Variants in FGGY observed in about 807,000 individuals in gnomAD.
FGGY encodes FGGY carbohydrate kinase domain-containing protein.
In FGGY, 72 loss-of-function variants were observed where a neutral mutation model predicts 71.3. The observed-to-expected ratio is 1.01, with a 90% CI of 0.84 to 1.23. The LOEUF is 1.23. Among genes scored for constraint, FGGY ranks in the 50% most tolerant of loss-of-function variants. FGGY has a pLI of 0.00. For missense variants in FGGY, 668 were observed against 682.3 expected (o/e 0.98, Z 0.23); for synonymous variants, 251 against 250.3 (o/e 1.00, Z -0.02).
intron 11 of FGGY, among the ~76,000 whole-genome samples, chr1:59,653,598 G>A (rs950224732): frequency 1.3e-5 from 2 of 152,316 alleles, no homozygotes; most frequent in African/African-American, 2.4e-5. Context: ...GCAATGCCTC[G>A]CCCTGCTTCG....
intron 9 of FGGY, among the ~76,000 whole-genome samples, chr1:59,624,659 A>C (rs566852145): frequency 1.3e-5 from 2 of 152,168 alleles, no homozygotes; most frequent in Non-Finnish European, 2.9e-5. Context: ...AGGCATGTCT[A>C]ACATGGCGGC....
chr1:59,544,087 C>T (rs1394984569), intron 7 of FGGY, among the ~76,000 whole-genome samples: 3 of 140,150 alleles, frequency 2.1e-5, no homozygotes, highest in African/African-American at 7.9e-5. Flanking sequence ...AGAGTGTAGA[C>T]GAGGAGAGTT....
intron 8 of FGGY, among the ~76,000 whole-genome samples, chr1:59,590,026 T>C (rs980511889): frequency 8.0e-4 from 121 of 151,820 alleles, no homozygotes; most frequent in African/African-American, 2.9e-3. Flanking sequence ...ATCAACAAAA[T>C]TGATAGATCG....
rs2066369558 is a variant in FGGY at position 59,426,365 on chromosome 1, G to A, written c.555-30596G>A. ...AAGGCTTGTCATTAGGGTATCCAGG[G>A]TGGGAAGGGGAGTGAAGGGAGGGGA... On this transcript the variant is annotated intron_variant, in intron 5 of 15. Transcript: ENST00000303721. 2.0e-5 allele frequency among the ~76,000 whole-genome samples: 3 copies of A among 152,260 alleles called. No individual in the cohort carries two copies. In the South Asian group the frequency reaches 6.2e-4, roughly 32 times the overall value.
At chr1:59,539,211 G>A (rs2095400119) in intron 7 of FGGY, among the ~76,000 whole-genome samples, 1 of 152,140 alleles carries the variant, frequency 6.6e-6, no homozygotes, top group Non-Finnish European at 1.5e-5. Context: ...TTGTTCTATA[G>A]ATTCAGTGTA....
chr1:59,502,033 T>G (rs542609217), intron 6 of FGGY, among the ~76,000 whole-genome samples: 8 of 152,362 alleles, frequency 5.3e-5, no homozygotes, highest in African/African-American at 1.2e-4. Context: ...TGCATTATCT[T>G]GCTTGATTCT....
chr1:59,482,634 G>GTGTATATATATATATATATATATA (rs144699610), intron 6 of FGGY, among the ~76,000 whole-genome samples: 1 of 147,462 alleles, frequency 6.8e-6, no homozygotes, highest in African/African-American at 2.5e-5. Flanking sequence ...GTGTCTGTGT[G>GTGTATATATATATATATATATATA]TATATATATA....
chr1:59,623,213 A>G (rs1572233059), intron 9 of FGGY, among the ~76,000 whole-genome samples: 1 of 152,134 alleles, frequency 6.6e-6, no homozygotes, highest in African/African-American at 2.4e-5. Context: ...TGTCCTTTAT[A>G]CATTACCAAA....
intron 7 of FGGY, among the ~76,000 whole-genome samples, chr1:59,514,603 A>T (rs1395548511): frequency 6.6e-6 from 1 of 152,172 alleles, no homozygotes; most frequent in Non-Finnish European, 1.5e-5. Context: ...TATCTCCCAG[A>T]ATTCCCACAT....
intron 14 of FGGY, among the ~76,000 whole-genome samples, chr1:59,679,119 G>A (rs1297796896): frequency 6.6e-6 from 1 of 152,198 alleles, no homozygotes; most frequent in African/African-American, 2.4e-5. Context: ...GACCGCAGTG[G>A]TCTACCCTTG....
chr1:59,461,114 A>G (rs1333633376), intron 6 of FGGY, among the ~76,000 whole-genome samples: 1 of 152,178 alleles, frequency 6.6e-6, no homozygotes, highest in South Asian at 2.1e-4. Flanking sequence ...GGTAATAACA[A>G]ACTTCTCCGA....
intron 14 of FGGY, among the ~76,000 whole-genome samples, chr1:59,732,814 T>C (rs953048068): frequency 2.0e-5 from 3 of 151,842 alleles, no homozygotes; most frequent in Non-Finnish European, 2.9e-5. Flanking sequence ...ACCAGAGACG[T>C]CACAGGAACA....
chr1:59,412,269 G>A (rs1362854965), intron 5 of FGGY, among the ~76,000 whole-genome samples: 2 of 152,078 alleles, frequency 1.3e-5, no homozygotes, highest in Non-Finnish European at 2.9e-5. Flanking sequence ...ATCTCACTCT[G>A]TTCCCACACA....
In FGGY at chr1:59,667,920, G is replaced by A. The variant is rs149384420; in HGVS notation, c.1417+517G>A. Among the ~76,000 whole-genome samples the A allele has an allele frequency of 1.4e-4, 21 of 152,320 alleles. No homozygotes were observed. In the East Asian group the frequency reaches 2.9e-3, roughly 21 times the overall value. ...TGGTTTGGGACCTAATGGCAGCTCAGGGCGTGTGGTCTGGAAGAAGTGATA... is the reference window on the plus strand; with the variant it reads ...TGGTTTGGGACCTAATGGCAGCTCAAGGCGTGTGGTCTGGAAGAAGTGATA... On this transcript the variant is annotated intron_variant, in intron 13 of 15. Coordinates refer to ENST00000303721, the MANE Select transcript of FGGY (RefSeq NM_018291.5).
At chr1:59,603,486 T>C (rs1437010208) in intron 8 of FGGY, among the ~76,000 whole-genome samples, 1 of 152,206 alleles carries the variant, frequency 6.6e-6, no homozygotes, top group Non-Finnish European at 1.5e-5. Flanking sequence ...CTAACGTTTA[T>C]TTGGTGTTTA....
chr1:59,390,386 T>G (rs748476048), intron 5 of FGGY, among the ~76,000 whole-genome samples: 1 of 152,118 alleles, frequency 6.6e-6, no homozygotes, highest in Non-Finnish European at 1.5e-5. Flanking sequence ...TTTTTGATGT[T>G]TTTTAGTCCT....
intron 14 of FGGY, among the ~76,000 whole-genome samples, chr1:59,701,676 A>G (rs897913932): frequency 6.6e-5 from 10 of 152,114 alleles, no homozygotes; most frequent in African/African-American, 2.4e-4. Flanking sequence ...TTGGAAGTAT[A>G]AATAAAGGCG....
chr1:59,587,769 A>C (rs529905483), intron 8 of FGGY, among the ~76,000 whole-genome samples: 1 of 152,326 alleles, frequency 6.6e-6, no homozygotes, highest in East Asian at 1.9e-4. Flanking sequence ...ACAAACAGAA[A>C]GGACATCCAC....
At chr1:59,532,858 T>C (rs1318808298) in intron 7 of FGGY, among the ~76,000 whole-genome samples, 7 of 152,134 alleles carry the variant, frequency 4.6e-5, no homozygotes, top group African/African-American at 1.7e-4. Flanking sequence ...TATACACATA[T>C]AGAATGTCAA....
Sources: allele counts gnomAD v4.1 joint callset (sites outside exome capture counted in the v4.1 genomes callset), GRCh38; gene constraint gnomAD v4.1.1; transcripts MANE v1.5; gene names NCBI Gene and HGNC (gene_info 2026-07-23, HGNC 2026-07-21).